TMEM165: variants seen among roughly 807,000 people sequenced by gnomAD.
The protein encoded by TMEM165 is transmembrane protein 165.
A neutral mutation model predicts 30.0 loss-of-function variants in TMEM165; 19 were observed. That is an observed-to-expected ratio of 0.63 (90% CI 0.44 to 0.93). The LOEUF (loss-of-function observed/expected upper bound fraction) is 0.93. TMEM165 is among the 40% of genes least tolerant of loss of function. The pLI, the probability that TMEM165 is intolerant of heterozygous loss-of-function variation, is 0.00. For missense variants in TMEM165, 340 were observed against 417.0 expected, an observed-to-expected ratio of 0.82 and a Z score of 1.61; for synonymous variants, 168 against 162.9, an observed-to-expected ratio of 1.03 and a Z score of -0.24.
chr4:55,407,213 G>A (rs925774606), intron 1 of TMEM165, among the ~76,000 whole-genome samples: 23 of 152,246 alleles, frequency 1.5e-4, no homozygotes, highest in African/African-American at 5.3e-4. Context: ...TGAAGAGGGG[G>A]ATAACGAAAA....
chr4:55,443,722 T>G (rs1723558354), intron 3 of TMEM165: 2 of 1,614,052 alleles, frequency 1.2e-6, no homozygotes, highest in Admixed American at 1.7e-5. Flanking sequence ...TGTTGTTGTA[T>G]CATGTGCTGA....
downstream of TMEM165, chr4:55,428,121 T>C (rs769155414): frequency 1.3e-5 from 2 of 152,216 alleles, no homozygotes; most frequent in Non-Finnish European, 1.5e-5. Context: ...CTTGGCTCTT[T>C]TGCTATAAGT....
intron 3 of TMEM165, among the ~76,000 whole-genome samples, chr4:55,440,733 G>A (rs113636843): frequency 0.017 from 2,576 of 152,226 alleles, 73 homozygotes; most frequent in African/African-American, 0.058. Context: ...ATGGCTCACT[G>A]GTAAATGTGA....
intron 3 of TMEM165, among the ~76,000 whole-genome samples, chr4:55,441,543 C>T (rs1400169047): frequency 1.3e-5 from 2 of 152,164 alleles, no homozygotes; most frequent in East Asian, 3.8e-4. Flanking sequence ...TGGCCTACTA[C>T]TCAGCCATAA....
At chr4:55,450,253 A>G (rs758341353) in intron 3 of TMEM165, 1 of 1,613,718 alleles carries the variant, frequency 6.2e-7, no homozygotes, top group South Asian at 1.1e-5. Context: ...AGAGTAAAAT[A>G]AATGTTTTCT....
intron 4 of TMEM165, 99 bp downstream of exon 4, chr4:55,418,084 C>T: frequency 8.7e-7 from 1 of 1,145,976 alleles, no homozygotes. Flanking sequence ...CACAGCATTC[C>T]TTCATATGCA....
At position 55,417,145 on chromosome 4, in the gene TMEM165, T is replaced by A. The variant is rs191176116; in HGVS notation, c.507T>A (p.Ile169=). The A allele has an allele frequency of 6.2e-7, 1 of 1,614,056 alleles. No individual in the cohort carries two copies. The highest frequency in any genetic ancestry group is 2.2e-5 in the East Asian group (1 of 44,868). The change falls in exon 3 of 6, where the codon ATT becomes ATA. Residue 169 remains isoleucine (I), a synonymous_variant. Coordinates refer to ENST00000381334, the MANE Select transcript of TMEM165 (RefSeq NM_018475.5). The part of the protein sequence containing the change: ...TYYVSTVLFA[I]FGIRMLREGL... ...ATGTTTCAACTGTATTATTTGCCATTTTTGGCATTAGAATGCTTCGGGAAG... is the reference window on the plus strand; with the variant it reads ...ATGTTTCAACTGTATTATTTGCCATATTTGGCATTAGAATGCTTCGGGAAG...
At chr4:55,431,909 G>A (rs1172834479) in intron 3 of TMEM165, 6 of 152,198 alleles carry the variant, frequency 3.9e-5, no homozygotes, top group South Asian at 2.1e-4. Context: ...CTTCAACAGT[G>A]CTCTTGATGG....
At chr4:55,438,955 C>A (rs1723122815) in intron 3 of TMEM165, among the ~76,000 whole-genome samples, 1 of 152,146 alleles carries the variant, frequency 6.6e-6, no homozygotes, top group African/African-American at 2.4e-5. Flanking sequence ...GCAATAATTT[C>A]TTGGATATGA....
chr4:55,403,513 A>G (rs560060609), intron 1 of TMEM165, among the ~76,000 whole-genome samples: 113 of 29,822 alleles, frequency 3.8e-3, no homozygotes, highest in African/African-American at 0.011. Flanking sequence ...TTTTTTTTTT[A>G]CAATTTTTAC....
At chr4:55,439,585 A>G (rs893189018) in intron 3 of TMEM165, among the ~76,000 whole-genome samples, 1 of 152,210 alleles carries the variant, frequency 6.6e-6, no homozygotes, top group African/African-American at 2.4e-5. Flanking sequence ...AGCATTATTC[A>G]CAGGAGCCAA....
chr4:55,398,915 A>G lies in TMEM165; in HGVS notation c.207+2519A>G, dbSNP rs184670518. 237 of 150,850 alleles carry G rather than the reference A, an allele frequency of 1.6e-3. 1 individual carries two copies. Among genetic ancestry groups the G allele is most frequent in the African/African-American group, 5.5e-3 (228 of 41,242 alleles). The allele number at this position is 150,850 out of a possible 1,614,324, so 9.3% of individuals were successfully genotyped here. A position where few individuals can be genotyped will look rare whatever the true frequency, so the allele number is the denominator to read the frequency against. The stretch of plus-strand genomic sequence containing the variant: ...AACAACCCGATTTTTAATAGTGTCT[A>G]TCCAACCTTTTTTTTTTAAGTTGCA... On this transcript the variant is annotated intron_variant, in intron 1 of 5. Coordinates refer to ENST00000381334, the MANE Select transcript of TMEM165 (RefSeq NM_018475.5).
intron 2 of TMEM165, among the ~76,000 whole-genome samples, chr4:55,413,257 G>T (rs1466832852): frequency 6.6e-6 from 1 of 151,396 alleles, no homozygotes; most frequent in Non-Finnish European, 1.5e-5. Flanking sequence ...TGATATTATA[G>T]GTATGTGTGC....
chr4:55,411,929 T>C, intron 2 of TMEM165, 90 bp downstream of exon 2: 1 of 1,269,292 alleles, frequency 7.9e-7, no homozygotes. Context: ...AACCTAGTCT[T>C]ATGGGAATTT....
downstream of TMEM165, chr4:55,428,928 A>T (rs1722350070): frequency 6.6e-6 from 1 of 151,760 alleles, no homozygotes; most frequent in Admixed American, 6.6e-5. Flanking sequence ...AGATTTCAAA[A>T]TCATTCCAGT....
At chr4:55,437,141 T>TC (rs1722945477) in intron 3 of TMEM165, among the ~76,000 whole-genome samples, 1 of 152,228 alleles carries the variant, frequency 6.6e-6, no homozygotes, top group African/African-American at 2.4e-5. Context: ...ACTGTATGAC[T>TC]CTCAGATATT....
chr4:55,402,884 CG>C (rs1295163165), intron 1 of TMEM165, among the ~76,000 whole-genome samples: 1 of 137,866 alleles, frequency 7.3e-6, no homozygotes, highest in Non-Finnish European at 1.5e-5. Context: ...CTCTGCCTCC[CG>C]GGTTCACGCC....
chr4:55,449,547 T>A, intron 3 of TMEM165: 2 of 1,411,316 alleles, frequency 1.4e-6, no homozygotes, highest in Non-Finnish European at 2.0e-6. Context: ...AATATAGTTT[T>A]TAAAGATTAA....
rs765256598 is a variant in TMEM165, at chr4:55,411,645, C to T, written c.239C>T (p.Thr80Ile). 5 of 1,613,906 alleles carry T rather than the reference C, an allele frequency of 3.1e-6. No homozygotes were observed. The highest frequency in any genetic ancestry group is 1.1e-5 in the South Asian group (1 of 91,086). The part of the protein sequence containing the change: ...KIFTPAAPVH[T>I]NKEDPATQTN... Reference sequence around the variant, plus strand: ...TTTACACCAGCAGCTCCAGTTCATACCAATAAAGAAGATCCTGCTACCCAA... The same window carrying T: ...TTTACACCAGCAGCTCCAGTTCATATCAATAAAGAAGATCCTGCTACCCAA... Residue 80 changes from threonine to isoleucine, a missense_variant, in exon 2 of 6, where the codon ACC becomes ATC. Around this residue, in one of 2 missense-constraint regions of TMEM165, gnomAD observed 220 missense variants for 307.6 expected, o/e 0.72. Transcript: ENST00000381334.
Sources: allele counts gnomAD v4.1 joint callset (sites outside exome capture counted in the v4.1 genomes callset), GRCh38; gene constraint gnomAD v4.1.1; regional missense constraint gnomAD v4.1.1; transcripts MANE v1.5; gene names NCBI Gene and HGNC (gene_info 2026-07-23, HGNC 2026-07-21).